OR3A1: variants seen among roughly 807,000 people sequenced by gnomAD.
OR3A1 encodes the protein olfactory receptor family 3 subfamily A member 1.
For missense variants in OR3A1, 402 were observed against 393.8 expected, an observed-to-expected ratio of 1.02 and a Z score of -0.18; for synonymous variants, 145 against 160.0, an observed-to-expected ratio of 0.91 and a Z score of 0.71.
At chr17:3,296,355 C>T (rs2048918067) in intron 1 of OR3A1, among the ~76,000 whole-genome samples, 1 of 151,980 alleles carries the variant, frequency 6.6e-6, no homozygotes, top group Admixed American at 6.6e-5. Flanking sequence ...GAAAAGAATT[C>T]GTAGCCTTAA....
rs762486329 is a variant in OR3A1, at chr17:3,291,798, T to A, written c.785A>T (p.Tyr262Phe). 1 of 1,613,604 alleles carries A rather than the reference T, an allele frequency of 6.2e-7. No homozygotes were observed. Among genetic ancestry groups the A allele is most frequent in the East Asian group, 2.2e-5 (1 of 44,880 alleles). ...AAGCTTGGTTGAACCCAGTCGCATA[T>A]AGTTAAAGATACCTGAACCATAGAA... Reference protein sequence around the residue: ...AIFYGSGIFNYMRLGSTKLSD... With the variant: ...AIFYGSGIFNFMRLGSTKLSD... Residue 262 changes from tyrosine (Y) to phenylalanine (F), a missense_variant, in exon 2 of 2, where the codon TAT becomes TTT. Transcript: ENST00000323404.
At position 3,292,252 on chromosome 17, in the gene OR3A1, C is replaced by T. The variant is rs765314124; in HGVS notation, c.331G>A (p.Val111Ile). 76 of 1,613,994 alleles carry T rather than the reference C, an allele frequency of 4.7e-5. 1 individual carries two copies. The East Asian group carries it at 6.7e-4, about 14-fold the overall frequency. The change falls in exon 2 of 2, where the codon GTT (valine) becomes ATT (isoleucine). Residue 111 changes from valine (V) to isoleucine (I), a missense_variant. By Grantham distance (29) the Val-to-Ile change is conservative. Coordinates refer to ENST00000323404, the MANE Select transcript of OR3A1 (RefSeq NM_002550.3). ...LTQLFFFHLF[V>I]GVDCFLLTAM... ...GTCAGCAGGAAGCAGTCCACTCCAACGAACAGATGGAAGAAGAAGAGCTGG... is the reference window on the plus strand; with the variant it reads ...GTCAGCAGGAAGCAGTCCACTCCAATGAACAGATGGAAGAAGAAGAGCTGG...
At position 3,292,261 on chromosome 17, in the gene OR3A1, G is replaced by C. The variant is rs1555524968; in HGVS notation, c.322C>G (p.His108Asp). 2 of 1,614,050 alleles carry C rather than the reference G, an allele frequency of 1.2e-6. No homozygotes were observed. The highest frequency in any genetic ancestry group is 2.7e-5 in the African/African-American group (2 of 74,908). ...GACLTQLFFF[H>D]LFVGVDCFLL... ...AAGCAGTCCACTCCAACGAACAGAT[G>C]GAAGAAGAAGAGCTGGGTAAGGCAG... The change falls in exon 2 of 2, where the codon CAT becomes GAT. Residue 108 changes from histidine to aspartate, a missense_variant. Physicochemically the swap from His to Asp is moderately conservative, Grantham distance 81. Coordinates refer to ENST00000323404, the MANE Select transcript of OR3A1 (RefSeq NM_002550.3).
intron 1 of OR3A1, among the ~76,000 whole-genome samples, chr17:3,297,120 T>C (rs565997561): frequency 5.9e-5 from 9 of 152,182 alleles, no homozygotes; most frequent in Non-Finnish European, 1.2e-4. Context: ...GCCTCAAAGC[T>C]AGAATCCCAA....
At chr17:3,296,951 A>C (rs1289182526) in intron 1 of OR3A1, among the ~76,000 whole-genome samples, 1 of 152,210 alleles carries the variant, frequency 6.6e-6, no homozygotes, top group African/African-American at 2.4e-5. Flanking sequence ...CGTTTATGGA[A>C]GGGGCATAAC....
rs1241987265 is a variant in OR3A1, at chr17:3,292,275, T to C, written c.308A>G (p.Gln103Arg). The change falls in exon 2 of 2, where the codon CAG becomes CGG. Residue 103 changes from glutamine to arginine, a missense_variant. Physicochemically the swap from Gln to Arg is conservative, Grantham distance 43. Coordinates refer to ENST00000323404, the MANE Select transcript of OR3A1 (RefSeq NM_002550.3). ...RAVPCGACLT[Q>R]LFFFHLFVGV... ...AACGAACAGATGGAAGAAGAAGAGC[T>C]GGGTAAGGCAGGCCCCACAGGGAAC... 6.2e-7 allele frequency: 1 copy of C among 1,613,832 alleles called. No homozygotes were observed. The highest frequency in any genetic ancestry group is 1.1e-5 in the South Asian group (1 of 91,058).
At chr17:3,292,865 G>A (rs2048888601) in intron 1 of OR3A1, among the ~76,000 whole-genome samples, 1 of 152,078 alleles carries the variant, frequency 6.6e-6, no homozygotes, top group Non-Finnish European at 1.5e-5. Flanking sequence ...TATTTGTAAA[G>A]ATTATGAAAG....
At position 3,291,631 on chromosome 17, in the gene OR3A1, C is replaced by G. The variant is rs764714389; in HGVS notation, c.*4G>C. 3.1e-5 allele frequency: 49 copies of G among 1,581,130 alleles called. No individual in the cohort carries two copies. In the South Asian group the frequency reaches 5.4e-4, roughly 17 times the overall value. The stretch of plus-strand genomic sequence containing the variant: ...ACAGGGAGAAAGGGTCAATTGAGAC[C>G]TCCTCAAGCCAGTGACCGCCTCCCT... On this transcript the variant is annotated 3_prime_UTR_variant, in exon 2 of 2. Coordinates refer to ENST00000323404, the MANE Select transcript of OR3A1 (RefSeq NM_002550.3).
In OR3A1 at chr17:3,291,302, A is replaced by T. The variant is rs1325270927; in HGVS notation, c.*333T>A. 1 of 226,196 alleles carries T rather than the reference A, an allele frequency of 4.4e-6. No homozygotes were observed. Among genetic ancestry groups the T allele is most frequent in the Non-Finnish European group, 8.6e-6 (1 of 115,718 alleles). 14.0% of individuals were successfully genotyped at this position (226,196 alleles called of 1,614,324 possible). On this transcript the variant is annotated 3_prime_UTR_variant, in exon 2 of 2. Coordinates refer to ENST00000323404, the MANE Select transcript of OR3A1 (RefSeq NM_002550.3). Reference sequence around the variant, plus strand: ...GGAGTTTTCTGGGGTACTTCTGGCAACTAAGGCTGTAACCAACCAAAGAGT... The same window carrying T: ...GGAGTTTTCTGGGGTACTTCTGGCATCTAAGGCTGTAACCAACCAAAGAGT...
At chr17:3,297,695 C>T (rs2048930974) in intron 1 of OR3A1, among the ~76,000 whole-genome samples, 1 of 147,770 alleles carries the variant, frequency 6.8e-6, no homozygotes, top group Non-Finnish European at 1.5e-5. Flanking sequence ...TTCTTAATGC[C>T]TTGTGTCACA....
At position 3,291,466 on chromosome 17, in the gene OR3A1, T is replaced by TAA; in HGVS notation, c.*167_*168dup. The TAA allele has an allele frequency of 1.7e-6, 1 of 577,732 alleles. No individual in the cohort carries two copies. Among genetic ancestry groups the TAA allele is most frequent in the Non-Finnish European group, 3.0e-6 (1 of 333,088 alleles). 35.8% of individuals were successfully genotyped at this position (577,732 alleles called of 1,614,324 possible). A position where few individuals can be genotyped will look rare whatever the true frequency, so the allele number is the denominator to read the frequency against. ...GCAGATCCTATACACTCATTGCTTA[T>TAA]AATTGGACAGGGCTGCTTTCAGAAA... On this transcript the variant is annotated 3_prime_UTR_variant, in exon 2 of 2. Coordinates refer to ENST00000323404, the MANE Select transcript of OR3A1 (RefSeq NM_002550.3).
intron 1 of OR3A1, among the ~76,000 whole-genome samples, chr17:3,292,789 G>A (rs1169218712): frequency 1.3e-5 from 2 of 152,004 alleles, no homozygotes; most frequent in Admixed American, 6.6e-5. Flanking sequence ...ATTTGCAGGC[G>A]TAAGCACAGG....
intron 1 of OR3A1, among the ~76,000 whole-genome samples, 160 bp downstream of exon 1, chr17:3,298,123 G>A (rs1483542468): frequency 1.3e-5 from 2 of 152,106 alleles, no homozygotes; most frequent in East Asian, 3.8e-4. Flanking sequence ...TGGCAATTAG[G>A]AATGGTAGAC....
Position 3,292,485 on chromosome 17 carries a change from A to T in OR3A1, c.98T>A (p.Leu33His), listed in dbSNP as rs2048884916. The T allele has an allele frequency of 2.5e-6, 4 of 1,613,608 alleles. No homozygotes were observed. In the African/African-American group the frequency reaches 5.4e-5, roughly 22 times the overall value. Reference protein sequence around the residue: ...APGLQPVVFVLFLFAYLVTVR... With the variant: ...APGLQPVVFVHFLFAYLVTVR... ...CGTGACCAGGTAGGCAAAGAGGAAGAGCACAAAGACAACTGGCTGCAGCCC... is the reference window on the plus strand; with the variant it reads ...CGTGACCAGGTAGGCAAAGAGGAAGTGCACAAAGACAACTGGCTGCAGCCC... Residue 33 changes from leucine (L) to histidine (H), a missense_variant, in exon 2 of 2, where the codon CTC becomes CAC. By Grantham distance (99) the Leu-to-His change is moderately conservative. Coordinates refer to ENST00000323404, the MANE Select transcript of OR3A1 (RefSeq NM_002550.3).
In OR3A1 at chr17:3,292,647, A is replaced by C. The variant is rs985254524; in HGVS notation, c.-6-59T>G. 35 of 1,407,672 alleles carry C rather than the reference A, an allele frequency of 2.5e-5. No homozygotes were observed. The Admixed American group carries it at 3.7e-4, about 15-fold the overall frequency. The allele number at this position is 1,407,672 out of a possible 1,614,324, so 87.2% of individuals were successfully genotyped here. A position where few individuals can be genotyped will look rare whatever the true frequency, so the allele number is the denominator to read the frequency against. ...CTCCTCCCAATAATTTATTTACTCA[A>C]GAAAAAGAAACAGACCCCCTTCTAC... On this transcript the variant is annotated intron_variant, in intron 1 of 1. Transcript: ENST00000323404.
Position 3,298,291 on chromosome 17 carries a change from C to T in OR3A1, c.-15G>A, listed in dbSNP as rs144401251. On this transcript the variant is annotated 5_prime_UTR_variant, in exon 1 of 2. Transcript: ENST00000323404. ...CACCTGTAGAGACTCACCTGGATTA[C>T]CACTCTCAGGCATCCAGCTTGAGGC... 2.5e-4 allele frequency: 38 copies of T among 152,274 alleles called. No homozygotes were observed. The highest frequency in any genetic ancestry group is 8.7e-4 in the African/African-American group (36 of 41,530). The allele number at this position is 152,274 out of a possible 1,614,324, so 9.4% of individuals were successfully genotyped here. A position where few individuals can be genotyped will look rare whatever the true frequency, so the allele number is the denominator to read the frequency against.
chr17:3,291,621 C>T lies in OR3A1; in HGVS notation c.*14G>A. 1 of 1,566,602 alleles carries T rather than the reference C, an allele frequency of 6.4e-7. No individual in the cohort carries two copies. The highest frequency in any genetic ancestry group is 8.7e-7 in the Non-Finnish European group (1 of 1,150,622). ...AGTACAAGACACAGGGAGAAAGGGT[C>T]AATTGAGACCTCCTCAAGCCAGTGA... On this transcript the variant is annotated 3_prime_UTR_variant, in exon 2 of 2. Coordinates refer to ENST00000323404, the MANE Select transcript of OR3A1 (RefSeq NM_002550.3).
Position 3,296,881 on chromosome 17 carries a change from A to G in OR3A1, c.-7+1402T>C, listed in dbSNP as rs148964028. ...AATTGTGTTAAACTTTCAAGGAATC[A>G]TTTTTTCCAATGTTACTTGACTGTA... On this transcript the variant is annotated intron_variant, in intron 1 of 1. Coordinates refer to ENST00000323404, the MANE Select transcript of OR3A1 (RefSeq NM_002550.3). 3.0e-3 allele frequency among the ~76,000 whole-genome samples: 452 copies of G among 152,286 alleles called. 1 individual carries two copies. The highest frequency in any genetic ancestry group is 0.017 in the Middle Eastern group (5 of 294).
chr17:3,291,477 G>A lies in OR3A1; in HGVS notation c.*158C>T, dbSNP rs138205348. 1.7e-6 allele frequency: 1 copy of A among 597,950 alleles called. No homozygotes were observed. The highest frequency in any genetic ancestry group is 2.8e-5 in the East Asian group (1 of 35,980). The allele number at this position is 597,950 out of a possible 1,614,324, so 37.0% of individuals were successfully genotyped here. A position where few individuals can be genotyped will look rare whatever the true frequency, so the allele number is the denominator to read the frequency against. On this transcript the variant is annotated 3_prime_UTR_variant, in exon 2 of 2. Transcript: ENST00000323404. Reference sequence around the variant, plus strand: ...ACACTCATTGCTTATAATTGGACAGGGCTGCTTTCAGAAATGAAAACTATT... The same window carrying A: ...ACACTCATTGCTTATAATTGGACAGAGCTGCTTTCAGAAATGAAAACTATT...
Sources: gnomAD v4.1 joint callset for allele counts (sites outside exome capture counted in the v4.1 genomes callset) on GRCh38, gnomAD v4.1.1 for gene constraint, MANE v1.5 for transcripts, NCBI Gene and HGNC (gene_info 2026-07-23, HGNC 2026-07-21) for gene names.